The following FBXW7 variants were observed in gnomAD, a reference collection of about 807,000 sequenced individuals.
FBXW7 encodes the protein F-box/WD repeat-containing protein 7.
FBXW7 carries 11 observed loss-of-function variants against 86.3 expected under a neutral mutation model. The ratio of observed to expected loss-of-function variants is 0.13; its 90% CI spans 0.08 to 0.21. FBXW7 has a LOEUF of 0.21. Among genes scored for constraint, FBXW7 ranks in the 10% least tolerant of loss-of-function variants. The pLI, the probability that FBXW7 is intolerant of heterozygous loss-of-function variation, is 1.00. For missense variants in FBXW7, 488 were observed against 847.4 expected (o/e 0.58, Z 5.27); for synonymous variants, 313 against 297.9 (o/e 1.05, Z -0.52).
At chr4:152,344,717 T>C (rs561101555) in intron 6 of FBXW7, among the ~76,000 whole-genome samples, 23 of 152,246 alleles carry the variant, frequency 1.5e-4, no homozygotes, top group Admixed American at 4.6e-4. Context: ...AAAATAAAGC[T>C]GAAATGCCTC....
chr4:152,438,713 T>C (rs1274331910), intron 2 of FBXW7, among the ~76,000 whole-genome samples: 1 of 152,054 alleles, frequency 6.6e-6, no homozygotes, highest in African/African-American at 2.4e-5. Context: ...CATAAAGCTA[T>C]ACAAGTAAAG....
In FBXW7 at chr4:152,349,361, C is replaced by T. The variant is rs552152524; in HGVS notation, c.584+681G>A. 3.3e-5 allele frequency among the ~76,000 whole-genome samples: 5 copies of T among 150,860 alleles called. No homozygotes were observed. In the East Asian group the frequency reaches 5.8e-4, roughly 18 times the overall value. Reference sequence around the variant, plus strand: ...CTTCTGTCATTTAAATTTTAAAATACGACATTCCAAGTGACATTCAAAGCC... The same window carrying T: ...CTTCTGTCATTTAAATTTTAAAATATGACATTCCAAGTGACATTCAAAGCC... On this transcript the variant is annotated intron_variant, in intron 5 of 13. Transcript: ENST00000281708.
chr4:152,409,341 G>A (rs1737719248), intron 4 of FBXW7, among the ~76,000 whole-genome samples: 2 of 152,182 alleles, frequency 1.3e-5, no homozygotes, highest in African/African-American at 4.8e-5. Context: ...ATCTGTAGAA[G>A]TGTCTTAACT....
intron 2 of FBXW7, among the ~76,000 whole-genome samples, chr4:152,476,691 G>A (rs1032427868): frequency 1.1e-4 from 17 of 152,042 alleles, no homozygotes; most frequent in Admixed American, 8.5e-4. Flanking sequence ...AATCAGAGTG[G>A]TATACTCATG....
chr4:152,487,000 C>T (rs1381854908), intron 2 of FBXW7, among the ~76,000 whole-genome samples: 3 of 152,104 alleles, frequency 2.0e-5, no homozygotes, highest in Non-Finnish European at 4.4e-5. Context: ...GTCGTATATG[C>T]AGTGCATGAC....
intron 2 of FBXW7, chr4:152,530,569 CAA>C (rs1232348998): frequency 6.6e-6 from 1 of 152,228 alleles, no homozygotes; most frequent in African/African-American, 2.4e-5. Flanking sequence ...CCCCGACCCT[CAA>C]TCCATAGTTT....
chr4:152,482,084 AT>A (rs1328182779), intron 2 of FBXW7, among the ~76,000 whole-genome samples: 1 of 152,142 alleles, frequency 6.6e-6, no homozygotes, highest in African/African-American at 2.4e-5. Flanking sequence ...AACAAACTTC[AT>A]TGCTGTCTTA....
intron 4 of FBXW7, among the ~76,000 whole-genome samples, chr4:152,404,202 G>C (rs1737205837): frequency 6.6e-6 from 1 of 152,160 alleles, no homozygotes. Context: ...CATTTCCTGT[G>C]AGGAACATCT....
At chr4:152,349,461 C>G (rs961099208) in intron 5 of FBXW7, among the ~76,000 whole-genome samples, 2 of 151,826 alleles carry the variant, frequency 1.3e-5, no homozygotes, top group Non-Finnish European at 2.9e-5. Context: ...AAGTTTTATA[C>G]TGATGTAAAA....
intron 2 of FBXW7, among the ~76,000 whole-genome samples, chr4:152,480,285 T>C (rs570811928): frequency 7.2e-5 from 11 of 152,290 alleles, no homozygotes; most frequent in African/African-American, 2.4e-4. Flanking sequence ...ATGTTACTAT[T>C]TTAACTGCTT....
intron 10 of FBXW7, among the ~76,000 whole-genome samples, chr4:152,329,329 T>C (rs572636859): frequency 9.9e-5 from 15 of 151,986 alleles, no homozygotes; most frequent in Non-Finnish European, 1.9e-4. Flanking sequence ...TGAAAAACAT[T>C]ACAAAGTAAT....
chr4:152,492,318 G>A (rs1745935933), intron 2 of FBXW7, among the ~76,000 whole-genome samples: 1 of 152,182 alleles, frequency 6.6e-6, no homozygotes, highest in African/African-American at 2.4e-5. Flanking sequence ...CTAGTTGTCA[G>A]CTGTAAGGAG....
At chr4:152,466,252 T>C (rs1243285474) in intron 2 of FBXW7, among the ~76,000 whole-genome samples, 1 of 152,116 alleles carries the variant, frequency 6.6e-6, no homozygotes, top group Non-Finnish European at 1.5e-5. Flanking sequence ...ACTAAATTGG[T>C]ACCTTAAAAA....
chr4:152,422,572 G>A (rs1259861534), intron 2 of FBXW7, among the ~76,000 whole-genome samples: 1 of 152,162 alleles, frequency 6.6e-6, no homozygotes, highest in African/African-American at 2.4e-5. Flanking sequence ...GTTTATATTA[G>A]ATTAGCAAAT....
At chr4:152,483,059 C>G (rs1477911912) in intron 2 of FBXW7, among the ~76,000 whole-genome samples, 1 of 152,082 alleles carries the variant, frequency 6.6e-6, no homozygotes, top group Non-Finnish European at 1.5e-5. Context: ...CATTTCCCTA[C>G]TGGTGAACAT....
intron 4 of FBXW7, among the ~76,000 whole-genome samples, chr4:152,368,578 A>G (rs373433269): frequency 1.3e-5 from 2 of 152,126 alleles, no homozygotes; most frequent in Non-Finnish European, 2.9e-5. Flanking sequence ...TAGTAATGAT[A>G]TATCAGGTAC....
At chr4:152,324,584 A>C in intron 12 of FBXW7, 190 bp from the exon 13 acceptor site, 4 of 549,330 alleles carry the variant, frequency 7.3e-6, no homozygotes, top group East Asian at 3.0e-5. Context: ...GTATGTTCTC[A>C]CACACTTCTA....
At chr4:152,466,345 A>G (rs1220347716) in intron 2 of FBXW7, among the ~76,000 whole-genome samples, 1 of 151,854 alleles carries the variant, frequency 6.6e-6, no homozygotes, top group Non-Finnish European at 1.5e-5. Context: ...ACCTGAGGTC[A>G]GGAGTTTGAG....
At chr4:152,330,151 A>C (rs1044382316) in intron 9 of FBXW7, among the ~76,000 whole-genome samples, 1 of 151,902 alleles carries the variant, frequency 6.6e-6, no homozygotes, top group Non-Finnish European at 1.5e-5. Context: ...TCTATTAACC[A>C]CAAAGAGTAA....
Sources: allele counts gnomAD v4.1 joint callset (sites outside exome capture counted in the v4.1 genomes callset), GRCh38; gene constraint gnomAD v4.1.1; transcripts MANE v1.5; gene names NCBI Gene and HGNC (gene_info 2026-07-23, HGNC 2026-07-21).